INPP4A: variants seen among roughly 807,000 people sequenced by gnomAD.
INPP4A encodes the protein inositol polyphosphate-4-phosphatase, type I, 107kD.
Under a neutral mutation model 119.8 loss-of-function variants are expected in INPP4A, and 33 were observed. The observed-to-expected ratio is 0.28, with a 90% CI of 0.21 to 0.37. The LOEUF is 0.37. Among genes scored for constraint, INPP4A ranks in the 10% least tolerant of loss-of-function variants. INPP4A has a pLI of 1.00. For synonymous variants in INPP4A, 496 were observed against 500.7 expected (o/e 0.99, Z 0.12); for missense variants, 956 against 1,289.9 (o/e 0.74, Z 3.97).
intron 1 of INPP4A, among the ~76,000 whole-genome samples, chr2:98,461,982 C>G (rs751735860): frequency 5.9e-5 from 9 of 152,230 alleles, no homozygotes; most frequent in Non-Finnish European, 8.8e-5. Flanking sequence ...AGGTCTGGGC[C>G]TAGGCTCTGG....
rs567342347 is a variant in INPP4A, at chr2:98,543,169, G to A, written c.819-708G>A. Among the ~76,000 whole-genome samples the A allele has an allele frequency of 1.1e-4, 16 of 152,196 alleles. No individual in the cohort carries two copies. The South Asian group carries it at 1.9e-3, about 18-fold the overall frequency. ...TCTAGCTCCTCTCTTACATAGACAC[G>A]GAAGGAAGAAGAATCAGAGGTGCCA... On this transcript the variant is annotated intron_variant, in intron 10 of 24. Transcript: ENST00000409851.
At chr2:98,576,960 C>CT (rs1054536951) in intron 23 of INPP4A, 29 bp from the exon 24 acceptor site, 33 of 1,599,612 alleles carry the variant, frequency 2.1e-5, no homozygotes, top group African/African-American at 6.7e-5. Flanking sequence ...AGCCTCGCCT[C>CT]TAAGCACGGC....
intron 4 of INPP4A, among the ~76,000 whole-genome samples, chr2:98,532,787 T>A (rs1246028373): frequency 1.2e-4 from 18 of 152,232 alleles, no homozygotes; most frequent in Admixed American, 9.8e-4. Context: ...TTCAGCTCCA[T>A]TATAATCTGT....
At chr2:98,480,693 G>T (rs538466905) in intron 1 of INPP4A, among the ~76,000 whole-genome samples, 1 of 152,320 alleles carries the variant, frequency 6.6e-6, no homozygotes, top group Non-Finnish European at 1.5e-5. Context: ...TTGCACACAT[G>T]GTCCCTCACT....
Position 98,554,184 on chromosome 2 carries a change from A to T in INPP4A, c.1348-87A>T. The T allele has an allele frequency of 9.9e-7, 1 of 1,011,590 alleles. No individual in the cohort carries two copies. The highest frequency in any genetic ancestry group is 1.5e-6 in the Non-Finnish European group (1 of 682,824). The allele number at this position is 1,011,590 out of a possible 1,614,324, so 62.7% of individuals were successfully genotyped here. A position where few individuals can be genotyped will look rare whatever the true frequency, so the allele number is the denominator to read the frequency against. On this transcript the variant is annotated intron_variant, in intron 14 of 24. Coordinates refer to ENST00000409851, the MANE Select transcript of INPP4A (RefSeq NM_001134225.2). This position sits in a 1 kb window ranked among gnomAD's most constrained non-coding sequence, Gnocchi z 4.7. ...GCAGAGGGGTGCAGTGCTGGGCTTTAAGCCCATTCTCCATTTCTGAGATAA... is the reference window on the plus strand; with the variant it reads ...GCAGAGGGGTGCAGTGCTGGGCTTTTAGCCCATTCTCCATTTCTGAGATAA...
intron 1 of INPP4A, among the ~76,000 whole-genome samples, chr2:98,514,837 T>G (rs1041095044): frequency 1.3e-5 from 2 of 151,988 alleles, no homozygotes; most frequent in Non-Finnish European, 2.9e-5. Context: ...GTGGATGGCT[T>G]GAGCCCAGGA....
At position 98,554,594 on chromosome 2, in the gene INPP4A, C is replaced by T. The variant is rs1694132663; in HGVS notation, c.1566+105C>T. On this transcript the variant is annotated intron_variant, in intron 15 of 24. Coordinates refer to ENST00000409851, the MANE Select transcript of INPP4A (RefSeq NM_001134225.2). This position sits in a 1 kb window ranked among gnomAD's most constrained non-coding sequence, Gnocchi z 4.7. ...TCTGAAGTGCCTCAAGGTTCAACTGCTGTGAACAAGCTCCAGGTTTCCTTC... is the reference window on the plus strand; with the variant it reads ...TCTGAAGTGCCTCAAGGTTCAACTGTTGTGAACAAGCTCCAGGTTTCCTTC... 1 of 962,376 alleles carries T rather than the reference C, an allele frequency of 1.0e-6. No individual in the cohort carries two copies. Among genetic ancestry groups the T allele is most frequent in the Non-Finnish European group, 1.6e-6 (1 of 634,552 alleles). The allele number at this position is 962,376 out of a possible 1,614,324, so 59.6% of individuals were successfully genotyped here.
rs112355261 is a variant in INPP4A at position 98,550,527 on chromosome 2, C to T, written c.1164-2259C>T. Among the ~76,000 whole-genome samples, 673 of 152,242 alleles carry T rather than the reference C, an allele frequency of 4.4e-3. 10 individuals are homozygous for T. Among genetic ancestry groups the T allele is most frequent in the African/African-American group, 0.016 (648 of 41,536 alleles). On this transcript the variant is annotated intron_variant, in intron 13 of 24. Transcript: ENST00000409851. ...CCATGACCCCAGCTCTGGGTAGGTC[C>T]GGGTCTGGGGTGGGGGCCTAATGCA... is the stretch of plus-strand genomic sequence containing the variant.
intron 1 of INPP4A, among the ~76,000 whole-genome samples, chr2:98,508,977 T>A (rs1437433589): frequency 6.6e-6 from 1 of 152,088 alleles, no homozygotes; most frequent in Non-Finnish European, 1.5e-5. Flanking sequence ...AGCCCCAGAA[T>A]CCCTGGCTGC....
intron 1 of INPP4A, among the ~76,000 whole-genome samples, chr2:98,508,022 G>A (rs1473455450): frequency 6.6e-6 from 1 of 152,162 alleles, no homozygotes; most frequent in Non-Finnish European, 1.5e-5. Context: ...AACACTGTAC[G>A]GCAAGGCAAA....
intron 6 of INPP4A, 70 bp from the exon 7 acceptor site, chr2:98,536,059 G>T: frequency 2.0e-6 from 2 of 975,780 alleles, no homozygotes; most frequent in Non-Finnish European, 1.6e-6. Flanking sequence ...TGGACTCTCT[G>T]GGGCCATGGT....
chr2:98,466,504 A>G (rs1414566342), intron 1 of INPP4A, among the ~76,000 whole-genome samples: 1 of 152,272 alleles, frequency 6.6e-6, no homozygotes, highest in Admixed American at 6.5e-5. Flanking sequence ...CTCAGCATGC[A>G]GCACTTCATT....
At chr2:98,445,127 G>A (rs1297582100) in intron 1 of INPP4A, 42 bp downstream of exon 1, 3 of 151,066 alleles carry the variant, frequency 2.0e-5, no homozygotes, top group Non-Finnish European at 4.4e-5. Context: ...CGGCCGCCGC[G>A]GGGGCCGGGG....
intron 1 of INPP4A, among the ~76,000 whole-genome samples, chr2:98,477,079 G>A (rs561962505): frequency 2.4e-4 from 37 of 152,346 alleles, no homozygotes; most frequent in African/African-American, 8.9e-4. Flanking sequence ...CACATTTAGA[G>A]GGATTAAGTC....
intron 15 of INPP4A, among the ~76,000 whole-genome samples, chr2:98,555,075 T>G (rs1458006013): frequency 1.3e-5 from 2 of 152,340 alleles, no homozygotes; most frequent in East Asian, 3.9e-4. Context: ...ACTGAACTAT[T>G]AATCAGCAGC....
rs1694144696 is a variant in INPP4A at position 98,554,680 on chromosome 2, C to T, written c.1566+191C>T. 6.6e-6 allele frequency among the ~76,000 whole-genome samples: 1 copy of T among 152,148 alleles called. No homozygotes were observed. Among genetic ancestry groups the T allele is most frequent in the Non-Finnish European group, 1.5e-5 (1 of 68,014 alleles). On this transcript the variant is annotated intron_variant, in intron 15 of 24. Transcript: ENST00000409851. This position sits in a 1 kb window ranked among gnomAD's most constrained non-coding sequence, Gnocchi z 4.7. ...GGAGACTGTTTTCAAACCCTTGTGT[C>T]CAGATAGGGGTAGGGCTGTGCTGGG...
chr2:98,568,226 G>A (rs145286389), intron 21 of INPP4A, among the ~76,000 whole-genome samples: 6 of 152,172 alleles, frequency 3.9e-5, no homozygotes, highest in African/African-American at 7.2e-5. Context: ...CCTCACTGCC[G>A]TCCCCCCTCC....
At position 98,485,107 on chromosome 2, in the gene INPP4A, G is replaced by A. The variant is rs563054883; in HGVS notation, c.-165-33857G>A. On this transcript the variant is annotated intron_variant, in intron 1 of 24. Coordinates refer to ENST00000409851, the MANE Select transcript of INPP4A (RefSeq NM_001134225.2). ...GCTCCGCACATCTGCTTGGCGGGGC[G>A]GTTGGGATCTAAATGAGTGTGACCT... Among the ~76,000 whole-genome samples, 10 of 152,262 alleles carry A rather than the reference G, an allele frequency of 6.6e-5. No homozygotes were observed. The East Asian group carries it at 1.4e-3, about 21-fold the overall frequency.
chr2:98,522,744 A>G (rs960649953), intron 4 of INPP4A, among the ~76,000 whole-genome samples: 3 of 152,158 alleles, frequency 2.0e-5, no homozygotes, highest in Non-Finnish European at 4.4e-5. Flanking sequence ...AGGGAATAAA[A>G]TGAAGATCCT....
Sources: allele counts gnomAD v4.1 joint callset (sites outside exome capture counted in the v4.1 genomes callset), GRCh38; gene constraint gnomAD v4.1.1; non-coding constraint Gnocchi (gnomAD v3.1); transcripts MANE v1.5; gene names NCBI Gene and HGNC (gene_info 2026-07-23, HGNC 2026-07-21).